Variants in SHANK2 observed in about 807,000 individuals in gnomAD.
SHANK2 encodes SH3 and multiple ankyrin repeat domains protein 2.
In SHANK2, 43 loss-of-function variants were observed where a neutral mutation model predicts 133.7. The observed-to-expected ratio is 0.32, with a 90% CI of 0.25 to 0.41. SHANK2 has a LOEUF of 0.41. Ranked by LOEUF, SHANK2 falls within the 10% of genes least tolerant of loss-of-function variation. The probability of loss-of-function intolerance (pLI) is 1.00; values close to 1 mark genes in which losing one functional copy is unlikely to be tolerated. For missense variants in SHANK2, 1,994 were observed against 2,235.8 expected, an observed-to-expected ratio of 0.89 and a Z score of 2.18; for synonymous variants, 1,017 against 952.8, an observed-to-expected ratio of 1.07 and a Z score of -1.24.
chr11:70,578,038 T>A (rs1032921360), intron 17 of SHANK2, among the ~76,000 whole-genome samples: 2 of 152,116 alleles, frequency 1.3e-5, no homozygotes, highest in Admixed American at 6.5e-5. Flanking sequence ...GCCTCCAGAA[T>A]GTGAGCCCAC....
At chr11:71,062,024 T>C (rs1216756461) in intron 9 of SHANK2, among the ~76,000 whole-genome samples, 4 of 139,756 alleles carry the variant, frequency 2.9e-5, no homozygotes, top group Non-Finnish European at 4.6e-5. Context: ...TGGTGCAATC[T>C]CGGCTCACTG....
At chr11:70,534,768 G>A (rs1013873905) in intron 17 of SHANK2, among the ~76,000 whole-genome samples, 29 of 152,182 alleles carry the variant, frequency 1.9e-4, no homozygotes, top group African/African-American at 3.6e-4. Context: ...TTCAGGTGAC[G>A]CTTCAGACAC....
intron 3 of SHANK2, among the ~76,000 whole-genome samples, chr11:71,124,004 G>T (rs1485274515): frequency 6.6e-6 from 1 of 151,848 alleles, no homozygotes; most frequent in African/African-American, 2.4e-5. Context: ...TGCTGATGAT[G>T]AGGGTGGTTG....
chr11:70,875,092 A>T (rs1320769449), intron 11 of SHANK2, among the ~76,000 whole-genome samples: 1 of 152,212 alleles, frequency 6.6e-6, no homozygotes, highest in Non-Finnish European at 1.5e-5. Context: ...AATTGCTTAG[A>T]TCTTAGACCA....
intron 14 of SHANK2, among the ~76,000 whole-genome samples, chr11:70,727,541 G>T (rs782178941): frequency 5.3e-5 from 8 of 152,228 alleles, no homozygotes; most frequent in Non-Finnish European, 1.0e-4. Context: ...CAGGCAAGGT[G>T]TTGGTATTCT....
chr11:71,229,773 A>G (rs1436270661), intron 1 of SHANK2, among the ~76,000 whole-genome samples: 2 of 151,726 alleles, frequency 1.3e-5, no homozygotes, highest in African/African-American at 2.4e-5. Flanking sequence ...AAGAAAAAAA[A>G]AAAAAAAAAG....
At chr11:70,914,218 G>A (rs1950235957) in intron 10 of SHANK2, among the ~76,000 whole-genome samples, 1 of 152,074 alleles carries the variant, frequency 6.6e-6, no homozygotes, top group East Asian at 1.9e-4. Flanking sequence ...GGGCTCTGGG[G>A]CTCATACAGA....
At chr11:70,640,797 C>T (rs1432744527) in intron 17 of SHANK2, among the ~76,000 whole-genome samples, 1 of 152,268 alleles carries the variant, frequency 6.6e-6, no homozygotes, top group East Asian at 1.9e-4. Flanking sequence ...GTTTACTCAT[C>T]TGTAAAACGG....
Position 70,500,262 on chromosome 11 carries a change from CA to C in SHANK2, c.2308+307del, listed in dbSNP as rs1286992467. ...TGCAGCCAGAGGCTCTGCTCATCTG[CA>C]ACCCCCCATCCAGGCAGCCCCAGCT... On this transcript the variant is annotated intron_variant, in intron 21 of 25. Coordinates refer to ENST00000601538, the MANE Select transcript of SHANK2 (RefSeq NM_012309.5). This position sits in a 1 kb window ranked among gnomAD's most constrained non-coding sequence, Gnocchi z 4.5. Among the ~76,000 whole-genome samples, 2 of 152,264 alleles carry C rather than the reference CA, an allele frequency of 1.3e-5. No homozygotes were observed. Among genetic ancestry groups the C allele is most frequent in the Admixed American group, 1.3e-4 (2 of 15,298 alleles).
At chr11:71,252,582 C>A (rs1948204174), upstream of SHANK2, 1 of 150,866 alleles carries the variant, frequency 6.6e-6, no homozygotes, top group Admixed American at 6.6e-5. The surrounding 1 kb of genome is among the most constrained non-coding windows in gnomAD (Gnocchi z 6.3). Flanking sequence ...GGGAAGGACC[C>A]GGCCCCGCCC....
In SHANK2 at chr11:70,928,609, G is replaced by C. The variant is rs577054264; in HGVS notation, c.1108-32042C>G. 4.4e-4 allele frequency among the ~76,000 whole-genome samples: 67 copies of C among 152,300 alleles called. 1 individual carries two copies. Among genetic ancestry groups the C allele is most frequent in the Non-Finnish European group, 1.8e-4 (12 of 68,042 alleles). On this transcript the variant is annotated intron_variant, in intron 10 of 25. Coordinates refer to ENST00000601538, the MANE Select transcript of SHANK2 (RefSeq NM_012309.5). ...CATTTGTTTCAAAGCAGATCCCTGG[G>C]GGGGAAGAGGAAGACTGGGTGGGGG...
rs145769858 is a variant in SHANK2 at position 71,220,474 on chromosome 11, C to T, written c.-13+4223G>A. ...GGTGGATATCTTGAGGAGATATATC[C>T]GCACACCTATGTTCACAGAACACTA... On this transcript the variant is annotated intron_variant, in intron 2 of 25. Transcript: ENST00000601538. Among the ~76,000 whole-genome samples the T allele has an allele frequency of 4.9e-4, 75 of 152,180 alleles. 1 individual carries two copies. The highest frequency in any genetic ancestry group is 1.7e-3 in the African/African-American group (71 of 41,528).
In SHANK2 at chr11:70,473,458, G is replaced by T; in HGVS notation, c.4980-19C>A. The T allele has an allele frequency of 6.2e-7, 1 of 1,600,194 alleles. No individual in the cohort carries two copies. The highest frequency in any genetic ancestry group is 1.1e-5 in the South Asian group (1 of 91,064). On this transcript the variant is annotated intron_variant, in intron 25 of 25. Coordinates refer to ENST00000601538, the MANE Select transcript of SHANK2 (RefSeq NM_012309.5). The surrounding 1 kb of genome is among the most constrained non-coding windows in gnomAD (Gnocchi z 5.9). ...CGGGCTTCTGAAACAGCAACACAGAGAAAACCATCACAAGGCAGGTCACCG... is the reference window on the plus strand; with the variant it reads ...CGGGCTTCTGAAACAGCAACACAGATAAAACCATCACAAGGCAGGTCACCG...
chr11:71,118,846 C>T lies in SHANK2; in HGVS notation c.394G>A (p.Gly132Ser), dbSNP rs1313820918. 1.8e-5 allele frequency: 28 copies of T among 1,550,338 alleles called. No individual in the cohort carries two copies. Among genetic ancestry groups the T allele is most frequent in the Non-Finnish European group, 2.4e-5 (28 of 1,146,222 alleles). Residue 132 changes from glycine (G) to serine (S), a missense_variant, in exon 4 of 26, where the codon GGC becomes AGC. Transcript: ENST00000601538. ...AAATATACCTCCAGGGAAGGAACGC[C>T]CTCACCCACGGGCTGTGGGTACTCG... ...LREYPQPVGE[G>S]VPSLEFRYKK...
chr11:70,876,015 G>C (rs1555071162), intron 11 of SHANK2, among the ~76,000 whole-genome samples: 1 of 151,858 alleles, frequency 6.6e-6, no homozygotes, highest in African/African-American at 2.4e-5. Context: ...AATTAGCCAG[G>C]TGTGGTGGTG....
chr11:70,721,599 T>G lies in SHANK2; in HGVS notation c.1778-22836A>C, dbSNP rs118165285. 9.5e-4 allele frequency among the ~76,000 whole-genome samples: 144 copies of G among 152,288 alleles called. 1 individual carries two copies. In the East Asian group the frequency reaches 0.027, roughly 29 times the overall value. On this transcript the variant is annotated intron_variant, in intron 14 of 25. Coordinates refer to ENST00000601538, the MANE Select transcript of SHANK2 (RefSeq NM_012309.5). The stretch of plus-strand genomic sequence containing the variant: ...GTGAGCAGCGTTCTTACTGAGGCAG[T>G]TCTGCCCCCAGGGTGTGGTCTGGAG...
rs1221010455 is a variant in SHANK2, at chr11:70,739,143, T to C, written c.1778-40380A>G. Among the ~76,000 whole-genome samples, 4 of 152,212 alleles carry C rather than the reference T, an allele frequency of 2.6e-5. No individual in the cohort carries two copies. Among genetic ancestry groups the C allele is most frequent in the Non-Finnish European group, 5.9e-5 (4 of 68,038 alleles). On this transcript the variant is annotated intron_variant, in intron 14 of 25. Transcript: ENST00000601538. This position sits in a 1 kb window ranked among gnomAD's most constrained non-coding sequence, Gnocchi z 4.3. The stretch of plus-strand genomic sequence containing the variant: ...TGGCCAGTGAGTTAGGCAGGTGGCA[T>C]GGCTGAGCCCCATCAGGAGCCTGAC...
chr11:71,058,517 T>C (rs1197157588), intron 9 of SHANK2, among the ~76,000 whole-genome samples: 1 of 152,238 alleles, frequency 6.6e-6, no homozygotes, highest in Non-Finnish European at 1.5e-5. Context: ...CTGTTTAGAA[T>C]AAGCAAACTC....
intron 1 of SHANK2, among the ~76,000 whole-genome samples, chr11:71,247,912 C>T (rs1269398148): frequency 2.0e-5 from 3 of 152,220 alleles, no homozygotes; most frequent in African/African-American, 7.2e-5. Context: ...TGACATCTGG[C>T]AGCCAATCGG....
Sources: allele counts gnomAD v4.1 joint callset (sites outside exome capture counted in the v4.1 genomes callset), GRCh38; gene constraint gnomAD v4.1.1; non-coding constraint Gnocchi (gnomAD v3.1); transcripts MANE v1.5; gene names NCBI Gene and HGNC (gene_info 2026-07-23, HGNC 2026-07-21).